The following ADAMTS16 variants were observed in gnomAD, a reference collection of about 807,000 sequenced individuals.
ADAMTS16 encodes the protein A disintegrin and metalloproteinase with thrombospondin motifs 16.
A neutral mutation model predicts 145.8 loss-of-function variants in ADAMTS16; 94 were observed. The observed-to-expected ratio is 0.64, with a 90% CI of 0.55 to 0.77. ADAMTS16 has a LOEUF of 0.77. Among genes scored for constraint, ADAMTS16 ranks in the 30% least tolerant of loss-of-function variants. ADAMTS16 has a pLI of 0.00. For synonymous variants in ADAMTS16, 659 were observed against 604.3 expected (o/e 1.09, Z -1.33); for missense variants, 1,585 against 1,591.5 (o/e 1.00, Z 0.07).
At chr5:5,170,742 T>C (rs1735021925) in intron 3 of ADAMTS16, among the ~76,000 whole-genome samples, 1 of 152,108 alleles carries the variant, frequency 6.6e-6, no homozygotes, top group African/African-American at 2.4e-5. Flanking sequence ...TTTGAGCTCC[T>C]TATATATTCT....
At chr5:5,232,043 T>A (rs1294437018) in intron 11 of ADAMTS16, among the ~76,000 whole-genome samples, 2 of 152,174 alleles carry the variant, frequency 1.3e-5, no homozygotes, top group African/African-American at 4.8e-5. Flanking sequence ...TTCACCGACT[T>A]GGGAGTTGAA....
At chr5:5,187,181 C>A (rs1436453064) in intron 5 of ADAMTS16, among the ~76,000 whole-genome samples, 1 of 152,206 alleles carries the variant, frequency 6.6e-6, no homozygotes, top group Non-Finnish European at 1.5e-5. Flanking sequence ...AGTGGCAAAT[C>A]ACTTCAGGTT....
chr5:5,231,217 T>C (rs548888481), intron 11 of ADAMTS16, among the ~76,000 whole-genome samples: 90 of 152,284 alleles, frequency 5.9e-4, no homozygotes, highest in African/African-American at 2.0e-3. Context: ...AGAGATGATG[T>C]TGTTTTGCTT....
chr5:5,250,734 T>TGTGTGTGTGTGTGTGTGTGTGTGTGC (rs1560968907), intron 17 of ADAMTS16, among the ~76,000 whole-genome samples: 1 of 147,158 alleles, frequency 6.8e-6, no homozygotes, highest in African/African-American at 2.5e-5. Flanking sequence ...TGTGTGTGTG[T>TGTGTGTGTGTGTGTGTGTGTGTGTGC]GTGCGCGCAC....
At chr5:5,192,858 C>T (rs1735702124) in intron 8 of ADAMTS16, among the ~76,000 whole-genome samples, 1 of 152,160 alleles carries the variant, frequency 6.6e-6, no homozygotes, top group Non-Finnish European at 1.5e-5. Context: ...ATCAAGGGCC[C>T]ATTTCCTGCC....
chr5:5,219,232 G>A (rs555653010), intron 10 of ADAMTS16, among the ~76,000 whole-genome samples: 2 of 151,876 alleles, frequency 1.3e-5, no homozygotes, highest in South Asian at 4.2e-4. Flanking sequence ...TCATTTATTT[G>A]TGTAAAGAAC....
In ADAMTS16 at chr5:5,310,236, T is replaced by C. The variant is rs1425277379; in HGVS notation, c.3411+3508T>C. Among the ~76,000 whole-genome samples, 1 of 152,038 alleles carries C rather than the reference T, an allele frequency of 6.6e-6. No homozygotes were observed. Among genetic ancestry groups the C allele is most frequent in the Non-Finnish European group, 1.5e-5 (1 of 68,020 alleles). ...TGTGTCTCTCCTCTCATGTCCACCATCCTCCAGCTCGTAGGACCCCACCCA... is the reference window on the plus strand; with the variant it reads ...TGTGTCTCTCCTCTCATGTCCACCACCCTCCAGCTCGTAGGACCCCACCCA... On this transcript the variant is annotated intron_variant, in intron 21 of 22. Coordinates refer to ENST00000274181, the MANE Select transcript of ADAMTS16 (RefSeq NM_139056.4). The surrounding 1 kb of genome is among the most constrained non-coding windows in gnomAD (Gnocchi z 4.3).
At chr5:5,198,433 C>T (rs998110280) in intron 8 of ADAMTS16, among the ~76,000 whole-genome samples, 10 of 152,140 alleles carry the variant, frequency 6.6e-5, no homozygotes, top group Non-Finnish European at 1.0e-4. Context: ...AGTATTTGCA[C>T]GCCAGATTTC....
At chr5:5,301,805 C>T (rs917160856) in intron 18 of ADAMTS16, among the ~76,000 whole-genome samples, 12 of 152,166 alleles carry the variant, frequency 7.9e-5, no homozygotes, top group African/African-American at 2.7e-4. Context: ...CTCAGCAATG[C>T]CGTAGAGTGG....
intron 18 of ADAMTS16, among the ~76,000 whole-genome samples, chr5:5,273,020 C>T (rs1442678104): frequency 6.6e-6 from 1 of 152,110 alleles, no homozygotes; most frequent in Non-Finnish European, 1.5e-5. Context: ...GTCATTAGAG[C>T]TTTGTTCTGT....
At chr5:5,250,998 T>C (rs1345372924) in intron 17 of ADAMTS16, among the ~76,000 whole-genome samples, 4 of 152,006 alleles carry the variant, frequency 2.6e-5, no homozygotes. Flanking sequence ...GATAAGAAAG[T>C]TCAGAGCAGT....
intron 18 of ADAMTS16, among the ~76,000 whole-genome samples, chr5:5,280,616 C>T (rs1008408063): frequency 6.6e-6 from 1 of 152,098 alleles, no homozygotes; most frequent in Non-Finnish European, 1.5e-5. Flanking sequence ...CCTGGCCTTC[C>T]TTAGAATTGG....
intron 8 of ADAMTS16, among the ~76,000 whole-genome samples, chr5:5,195,629 C>T (rs16874998): frequency 0.16 from 23,819 of 152,122 alleles, 2,029 homozygotes; most frequent in Middle Eastern, 0.22. Flanking sequence ...CTTAAATAGC[C>T]AAGTTGCATT....
chr5:5,274,478 G>C (rs1738607204), intron 18 of ADAMTS16, among the ~76,000 whole-genome samples: 1 of 152,060 alleles, frequency 6.6e-6, no homozygotes, highest in Non-Finnish European at 1.5e-5. Context: ...CTTCAGATTG[G>C]CTTCTTTCAC....
At chr5:5,274,706 A>G (rs1738619998) in intron 18 of ADAMTS16, among the ~76,000 whole-genome samples, 1 of 145,818 alleles carries the variant, frequency 6.9e-6, no homozygotes, top group South Asian at 2.2e-4. Flanking sequence ...ATATATACAC[A>G]TATATATGCA....
chr5:5,191,905 C>A, intron 8 of ADAMTS16, 115 bp downstream of exon 8: 1 of 716,816 alleles, frequency 1.4e-6, no homozygotes, highest in Non-Finnish European at 2.4e-6. Context: ...ATATATCCAA[C>A]GAGAATGCCA....
chr5:5,215,744 A>G (rs1324458826), intron 10 of ADAMTS16, among the ~76,000 whole-genome samples: 1 of 145,846 alleles, frequency 6.9e-6, no homozygotes. Flanking sequence ...ATATATATAT[A>G]TGTGGTGTAT....
chr5:5,266,366 A>G (rs1164125252), intron 18 of ADAMTS16, among the ~76,000 whole-genome samples: 1 of 152,188 alleles, frequency 6.6e-6, no homozygotes, highest in African/African-American at 2.4e-5. Flanking sequence ...CAAACCCCAC[A>G]GGACCAGGCA....
chr5:5,189,434 C>G (rs1221868058), intron 6 of ADAMTS16, among the ~76,000 whole-genome samples: 2 of 152,146 alleles, frequency 1.3e-5, no homozygotes, highest in Non-Finnish European at 2.9e-5. Flanking sequence ...AGAAATAAAG[C>G]TTTACCAATT....
Sources: gnomAD v4.1 joint callset for allele counts (sites outside exome capture counted in the v4.1 genomes callset) on GRCh38, gnomAD v4.1.1 for gene constraint, Gnocchi (gnomAD v3.1) non-coding constraint, MANE v1.5 for transcripts, NCBI Gene and HGNC (gene_info 2026-07-23, HGNC 2026-07-21) for gene names.